The following CSTPP1 variants were observed in gnomAD, a reference collection of about 807,000 sequenced individuals.
CSTPP1 encodes the protein UPF0705 protein C11orf49.
At chr11:47,136,145 A>AT in the CSTPP1 span, among the ~76,000 whole-genome samples, 1 of 152,244 alleles carries the variant, frequency 6.6e-6, no homozygotes, top group African/African-American at 2.4e-5. Flanking sequence ...GAAAAGCACG[A>AT]TGATTCAAAG....
chr11:47,112,097 C>T, the CSTPP1 span, among the ~76,000 whole-genome samples: 2 of 152,250 alleles, frequency 1.3e-5, no homozygotes, highest in African/African-American at 4.8e-5. Flanking sequence ...CTGGAATGCT[C>T]TTCCCTCAGA....
At chr11:46,945,192 T>C in the CSTPP1 span, among the ~76,000 whole-genome samples, 1 of 152,218 alleles carries the variant, frequency 6.6e-6, no homozygotes, top group African/African-American at 2.4e-5. Context: ...TTACAGTAAG[T>C]TAGCAGAAAT....
the CSTPP1 span, among the ~76,000 whole-genome samples, chr11:47,107,519 C>T: frequency 3.3e-5 from 5 of 152,102 alleles, no homozygotes; most frequent in Non-Finnish European, 7.4e-5. Flanking sequence ...GAATGCAGTC[C>T]ACTCTATCTC....
the CSTPP1 span, chr11:47,023,509 C>T: frequency 6.6e-6 from 1 of 152,286 alleles, no homozygotes; most frequent in East Asian, 1.9e-4. Context: ...TAAATACATT[C>T]ACATTGTTCT....
chr11:47,142,238 T>C, the CSTPP1 span, among the ~76,000 whole-genome samples: 27 of 27,506 alleles, frequency 9.8e-4, no homozygotes, highest in East Asian at 0.014. Flanking sequence ...TGAGACTCCA[T>C]CTCAAAAAAA....
the CSTPP1 span, among the ~76,000 whole-genome samples, chr11:46,938,719 A>G: frequency 7.4e-6 from 1 of 135,914 alleles, no homozygotes; most frequent in Non-Finnish European, 1.6e-5. Context: ...ATTTCTTTTT[A>G]TTTCTGAATA....
At chr11:46,974,982 TTAAAA>T in the CSTPP1 span, among the ~76,000 whole-genome samples, 4 of 149,862 alleles carry the variant, frequency 2.7e-5, no homozygotes, top group East Asian at 2.0e-4. Flanking sequence ...AAAATAAATA[TTAAAA>T]TAAAGAAAAA....
the CSTPP1 span, among the ~76,000 whole-genome samples, chr11:46,979,070 C>A: frequency 6.6e-6 from 1 of 152,166 alleles, no homozygotes; most frequent in Non-Finnish European, 1.5e-5. Context: ...TAATATTAAT[C>A]TGTAAATTTA....
chr11:47,077,499 C>T, the CSTPP1 span, among the ~76,000 whole-genome samples: 8 of 152,086 alleles, frequency 5.3e-5, no homozygotes, highest in Admixed American at 1.3e-4. Context: ...TACACCCAGC[C>T]GAGGATAAAG....
chr11:46,939,823 A>T, the CSTPP1 span, among the ~76,000 whole-genome samples: 2 of 152,072 alleles, frequency 1.3e-5, no homozygotes, highest in South Asian at 4.1e-4. Flanking sequence ...TACAGTGCAT[A>T]CTTTTTCATT....
the CSTPP1 span, among the ~76,000 whole-genome samples, chr11:47,156,707 G>C: frequency 2.6e-5 from 4 of 152,038 alleles, no homozygotes; most frequent in Non-Finnish European, 4.4e-5. Context: ...TAATGACACA[G>C]AAAGCTCCTC....
chr11:47,145,467 G>A, the CSTPP1 span, among the ~76,000 whole-genome samples: 5 of 152,022 alleles, frequency 3.3e-5, no homozygotes, highest in Admixed American at 2.6e-4. Context: ...AAAATTAGTC[G>A]GGTGGGGTGG....
chr11:47,069,276 C>G, the CSTPP1 span, among the ~76,000 whole-genome samples: 1 of 152,138 alleles, frequency 6.6e-6, no homozygotes, highest in African/African-American at 2.4e-5. Flanking sequence ...AAAACCAAGA[C>G]TAAATTCAGG....
chr11:46,954,203 C>G, the CSTPP1 span, among the ~76,000 whole-genome samples: 2 of 152,058 alleles, frequency 1.3e-5, no homozygotes, highest in African/African-American at 2.4e-5. Flanking sequence ...TTAGAAGAAA[C>G]AGTTGAAAAA....
At chr11:47,161,456 T>C in the CSTPP1 span, 1 of 1,613,568 alleles carries the variant, frequency 6.2e-7, no homozygotes. Flanking sequence ...GCTTCTTCCC[T>C]TCTTCAGGCT....
chr11:46,981,750 C>T, the CSTPP1 span, among the ~76,000 whole-genome samples: 1 of 151,984 alleles, frequency 6.6e-6, no homozygotes, highest in Admixed American at 6.6e-5. Context: ...CTTAACCTCT[C>T]TAGTTTTTAA....
the CSTPP1 span, chr11:47,161,247 G>A: frequency 3.9e-5 from 63 of 1,613,326 alleles, no homozygotes; most frequent in Non-Finnish European, 4.1e-5. Flanking sequence ...GGTCGGACAC[G>A]GCTGTGCCCC....
chr11:47,097,374 G>A, the CSTPP1 span, among the ~76,000 whole-genome samples: 2 of 95,792 alleles, frequency 2.1e-5, no homozygotes, highest in African/African-American at 8.3e-5. Flanking sequence ...GGAGGTGAGG[G>A]GCGCCTCTGC....
chr11:46,989,909 G>T, the CSTPP1 span, among the ~76,000 whole-genome samples: 1 of 151,990 alleles, frequency 6.6e-6, no homozygotes, highest in Non-Finnish European at 1.5e-5. Flanking sequence ...TTGGTTTTCT[G>T]TACCTACATT....
Sources: allele counts gnomAD v4.1 joint callset (sites outside exome capture counted in the v4.1 genomes callset), GRCh38; gene constraint gnomAD v4.1.1; transcripts MANE v1.5; gene names NCBI Gene and HGNC (gene_info 2026-07-23, HGNC 2026-07-21).